Variants in SLC4A10 observed in about 807,000 individuals in gnomAD.
SLC4A10 encodes solute carrier family 4 member 10.
In SLC4A10, 42 loss-of-function variants were observed where a neutral mutation model predicts 137.7. That is an observed-to-expected ratio of 0.30 (90% CI 0.24 to 0.39). The LOEUF (loss-of-function observed/expected upper bound fraction) is 0.39, where lower values mean the gene tolerates loss of function less well. SLC4A10 is among the 10% of genes least tolerant of loss of function. The pLI, the probability that SLC4A10 is intolerant of heterozygous loss-of-function variation, is 1.00. For synonymous variants in SLC4A10, 474 were observed against 464.1 expected, an observed-to-expected ratio of 1.02 and a Z score of -0.27; for missense variants, 925 against 1,355.0, an observed-to-expected ratio of 0.68 and a Z score of 4.98.
intron 23 of SLC4A10, among the ~76,000 whole-genome samples, chr2:161,972,503 T>C (rs1698724425): frequency 6.6e-6 from 1 of 152,166 alleles, no homozygotes; most frequent in African/African-American, 2.4e-5. Context: ...TCACCTTGAT[T>C]TAGTTCTAAT....
chr2:161,950,778 G>A lies in SLC4A10; in HGVS notation c.2471G>A (p.Cys824Tyr). 6.2e-7 allele frequency: 1 copy of A among 1,602,976 alleles called. No individual in the cohort carries two copies. The highest frequency in any genetic ancestry group is 8.5e-7 in the Non-Finnish European group (1 of 1,174,092). ...GCTGCTATAATTCCAGCTCTGCTTT[G>A]TACTATTCTAATTTTTATGGACCAA... Reference protein sequence around the residue: ...VIAAIIPALLCTILIFMDQQI... With the variant: ...VIAAIIPALLYTILIFMDQQI... The change falls in exon 19 of 27, where the codon TGT becomes TAT. Residue 824 changes from cysteine to tyrosine, a missense_variant. Transcript: ENST00000446997.
intron 3 of SLC4A10, among the ~76,000 whole-genome samples, chr2:161,834,419 A>G (rs2058632067): frequency 6.6e-6 from 1 of 152,200 alleles, no homozygotes; most frequent in African/African-American, 2.4e-5. Context: ...CCGGAATGGA[A>G]CACACTCTGC....
chr2:161,956,945 T>C (rs1695776143), intron 19 of SLC4A10, 44 bp from the exon 20 acceptor site: 2 of 1,528,420 alleles, frequency 1.3e-6, no homozygotes, highest in South Asian at 2.5e-5. Context: ...CTTAGCCCTG[T>C]TATTGACACA....
intron 6 of SLC4A10, among the ~76,000 whole-genome samples, chr2:161,869,528 A>G (rs1286935696): frequency 6.6e-6 from 1 of 151,610 alleles, no homozygotes; most frequent in East Asian, 1.9e-4. Flanking sequence ...TATACAGCAA[A>G]TAAAATGTTA....
chr2:161,692,105 GA>G (rs1559041416), intron 1 of SLC4A10, among the ~76,000 whole-genome samples: 2 of 151,708 alleles, frequency 1.3e-5, no homozygotes, highest in African/African-American at 4.8e-5. Flanking sequence ...CTTAAACAAA[GA>G]AAAGAAAAAA....
rs144643565 is a variant in SLC4A10, at chr2:161,883,284, T to A, written c.1194+840T>A. Among the ~76,000 whole-genome samples, 221 of 152,298 alleles carry A rather than the reference T, an allele frequency of 1.5e-3. 1 individual carries two copies. Among genetic ancestry groups the A allele is most frequent in the African/African-American group, 5.1e-3 (214 of 41,580 alleles). ...TTAATAATGTTTTTATTGAAATACATGGCTGCAGATATTTGAAAATTCTGT... is the reference window on the plus strand; with the variant it reads ...TTAATAATGTTTTTATTGAAATACAAGGCTGCAGATATTTGAAAATTCTGT... On this transcript the variant is annotated intron_variant, in intron 10 of 26. Transcript: ENST00000446997.
chr2:161,927,238 C>A (rs990120477), intron 15 of SLC4A10, among the ~76,000 whole-genome samples: 3 of 152,200 alleles, frequency 2.0e-5, no homozygotes, highest in African/African-American at 7.2e-5. Flanking sequence ...TCCCATATTT[C>A]TTGGAGGCTT....
chr2:161,695,765 C>T (rs1429825889), intron 1 of SLC4A10, among the ~76,000 whole-genome samples: 1 of 152,110 alleles, frequency 6.6e-6, no homozygotes, highest in Non-Finnish European at 1.5e-5. Flanking sequence ...ATCACTCTTT[C>T]ATTAAACTTA....
intron 4 of SLC4A10, among the ~76,000 whole-genome samples, chr2:161,849,690 T>A (rs1316454107): frequency 6.6e-6 from 1 of 152,206 alleles, no homozygotes; most frequent in Non-Finnish European, 1.5e-5. Context: ...TCTGTTTATG[T>A]AATAAATAAC....
In SLC4A10 at chr2:161,658,042, C is replaced by T. The variant is rs545976486; in HGVS notation, c.48+33476C>T. 1.5e-3 allele frequency among the ~76,000 whole-genome samples: 231 copies of T among 152,204 alleles called. 1 individual carries two copies. The highest frequency in any genetic ancestry group is 4.5e-3 in the African/African-American group (187 of 41,550). On this transcript the variant is annotated intron_variant, in intron 1 of 26. Transcript: ENST00000446997. The stretch of plus-strand genomic sequence containing the variant: ...TTTTCTACTTATAGGGTGCTCATGA[C>T]ACAATTTATCACTTATTTTTTTCTT...
chr2:161,729,693 T>C (rs2046631853), intron 1 of SLC4A10, among the ~76,000 whole-genome samples: 1 of 152,154 alleles, frequency 6.6e-6, no homozygotes, highest in Non-Finnish European at 1.5e-5. Flanking sequence ...TGCTCAGATT[T>C]GGGTCCTACG....
At position 161,685,085 on chromosome 2, in the gene SLC4A10, C is replaced by T. The variant is rs187400595; in HGVS notation, c.48+60519C>T. On this transcript the variant is annotated intron_variant, in intron 1 of 26. Coordinates refer to ENST00000446997, the MANE Select transcript of SLC4A10 (RefSeq NM_001178015.2). ...CATGATTTGCAGTTGATCTGTTTAC[C>T]GCCTGGGAACTCAATTTTGCTAGAT... Among the ~76,000 whole-genome samples, 74 of 152,222 alleles carry T rather than the reference C, an allele frequency of 4.9e-4. No homozygotes were observed. In the South Asian group the frequency reaches 0.011, roughly 23 times the overall value.
chr2:161,807,882 AT>A (rs1459446461), intron 3 of SLC4A10, among the ~76,000 whole-genome samples: 5 of 152,238 alleles, frequency 3.3e-5, no homozygotes, highest in Non-Finnish European at 5.9e-5. Context: ...GTGAAAAATA[AT>A]TTAGCTAGGT....
At chr2:161,635,922 T>A (rs2034317248) in intron 1 of SLC4A10, among the ~76,000 whole-genome samples, 1 of 152,158 alleles carries the variant, frequency 6.6e-6, no homozygotes, top group Non-Finnish European at 1.5e-5. Context: ...AGTTATCCAT[T>A]TGTGAACTGC....
chr2:161,760,869 A>C (rs1474931551), intron 1 of SLC4A10, among the ~76,000 whole-genome samples: 1 of 151,950 alleles, frequency 6.6e-6, no homozygotes, highest in Non-Finnish European at 1.5e-5. Flanking sequence ...ATACGTGGAT[A>C]AAGAGAATGT....
At chr2:161,811,634 C>T (rs1371972647) in intron 3 of SLC4A10, among the ~76,000 whole-genome samples, 5 of 152,000 alleles carry the variant, frequency 3.3e-5, no homozygotes, top group Admixed American at 2.6e-4. Flanking sequence ...TCTCCAACAT[C>T]CTCTCTTTTC....
At chr2:161,761,826 C>T (rs1218540239) in intron 1 of SLC4A10, among the ~76,000 whole-genome samples, 3 of 152,062 alleles carry the variant, frequency 2.0e-5, no homozygotes, top group Admixed American at 6.6e-5. Flanking sequence ...GAACCCTGAA[C>T]CTGACCCTGG....
chr2:161,982,402 C>T (rs1253852111), intron 26 of SLC4A10, among the ~76,000 whole-genome samples: 2 of 151,964 alleles, frequency 1.3e-5, no homozygotes, highest in Admixed American at 6.6e-5. Flanking sequence ...GAAAAGTGTA[C>T]GATGGGAAAA....
At chr2:161,859,594 C>CTTTTTTTT (rs72003642) in intron 5 of SLC4A10, among the ~76,000 whole-genome samples, 23 of 47,280 alleles carry the variant, frequency 4.9e-4, no homozygotes, top group Non-Finnish European at 7.1e-4. Context: ...CTTTTCTTTT[C>CTTTTTTTT]TTTTTTTTTT....
Sources: allele counts gnomAD v4.1 joint callset (sites outside exome capture counted in the v4.1 genomes callset), GRCh38; gene constraint gnomAD v4.1.1; transcripts MANE v1.5; gene names NCBI Gene and HGNC (gene_info 2026-07-23, HGNC 2026-07-21).